The following DENND2B variants were observed in gnomAD, a reference collection of about 807,000 sequenced individuals.
The protein encoded by DENND2B is DENN domain-containing protein 2B.
Under a neutral mutation model 116.0 loss-of-function variants are expected in DENND2B, and 32 were observed. The observed-to-expected ratio is 0.28, with a 90% CI of 0.21 to 0.37. The LOEUF (loss-of-function observed/expected upper bound fraction) is 0.37. Among genes scored for constraint, DENND2B ranks in the 10% least tolerant of loss-of-function variants. The pLI, the probability that DENND2B is intolerant of heterozygous loss-of-function variation, is 1.00. For synonymous variants in DENND2B, 588 were observed against 583.9 expected, an observed-to-expected ratio of 1.01 and a Z score of -0.10; for missense variants, 1,276 against 1,477.7, an observed-to-expected ratio of 0.86 and a Z score of 2.24.
chr11:8,762,683 A>G (rs566743733), intron 1 of DENND2B, among the ~76,000 whole-genome samples: 96 of 152,268 alleles, frequency 6.3e-4, no homozygotes, highest in African/African-American at 2.2e-3. Context: ...CAACATGGAG[A>G]AATCTCATCT....
chr11:8,706,860 G>T (rs1175463030), intron 13 of DENND2B, among the ~76,000 whole-genome samples: 7 of 152,222 alleles, frequency 4.6e-5, no homozygotes, highest in African/African-American at 1.7e-4. Context: ...ATGGAATGCA[G>T]TTTAGTCCAA....
At chr11:8,828,522 G>GGAC (rs902844406) in intron 4 of DENND2B, among the ~76,000 whole-genome samples, 13 of 152,142 alleles carry the variant, frequency 8.5e-5, no homozygotes, top group Admixed American at 8.5e-4. Flanking sequence ...ACACCAAAGG[G>GGAC]GACCCTCATC....
chr11:8,851,795 T>A (rs911456815), intron 3 of DENND2B, among the ~76,000 whole-genome samples: 3 of 152,224 alleles, frequency 2.0e-5, no homozygotes, highest in African/African-American at 7.2e-5. Context: ...GAATATTTTT[T>A]AATTCGTTTT....
chr11:8,725,113 G>A (rs1359500093), intron 4 of DENND2B, among the ~76,000 whole-genome samples: 1 of 152,220 alleles, frequency 6.6e-6, no homozygotes, highest in Non-Finnish European at 1.5e-5. Flanking sequence ...AATGAAATGT[G>A]TTAGCTTGTA....
intron 13 of DENND2B, among the ~76,000 whole-genome samples, chr11:8,704,165 G>A (rs991339636): frequency 6.6e-6 from 1 of 152,208 alleles, no homozygotes; most frequent in African/African-American, 2.4e-5. Flanking sequence ...TGAAGGAGCT[G>A]AGTAGTTACA....
At chr11:8,772,560 TTG>T (rs2057070777) in intron 1 of DENND2B, among the ~76,000 whole-genome samples, 1 of 152,030 alleles carries the variant, frequency 6.6e-6, no homozygotes, top group African/African-American at 2.4e-5. Flanking sequence ...GTCAGGAGTG[TTG>T]TGAGTAGCAA....
chr11:8,826,357 A>G (rs2061978434), intron 4 of DENND2B, among the ~76,000 whole-genome samples: 1 of 152,228 alleles, frequency 6.6e-6, no homozygotes, highest in African/African-American at 2.4e-5. Context: ...GATATTTTTA[A>G]CTATCAGAGT....
intron 8 of DENND2B, among the ~76,000 whole-genome samples, chr11:8,713,320 G>A (rs965390800): frequency 3.9e-5 from 6 of 152,162 alleles, no homozygotes; most frequent in South Asian, 2.1e-4. Flanking sequence ...CTCAGTCTAC[G>A]GCACATTTCT....
intron 4 of DENND2B, among the ~76,000 whole-genome samples, chr11:8,719,645 T>A (rs1197030199): frequency 6.6e-6 from 1 of 152,160 alleles, no homozygotes; most frequent in Admixed American, 6.5e-5. Context: ...GTGGGGCACT[T>A]AGGGAGGTGT....
rs2045226779 is a variant in DENND2B, at chr11:8,717,867, A to G, written c.1503T>C (p.Tyr501=). The change falls in exon 5 of 20, where the codon TAT becomes TAC. Residue 501 remains tyrosine (Y), a synonymous_variant. Coordinates refer to ENST00000313726, the MANE Select transcript of DENND2B (RefSeq NM_213618.2). ...TTCGGCTCTTTAAGTCCACATCCTCATATGGATTCTCCTTGGGCAGATCTC... is the reference window on the plus strand; with the variant it reads ...TTCGGCTCTTTAAGTCCACATCCTCGTATGGATTCTCCTTGGGCAGATCTC... ...IVGDLPKENP[Y]EDVDLKSRRA... 4.3e-6 allele frequency: 7 copies of G among 1,612,464 alleles called. No individual in the cohort carries two copies. Among genetic ancestry groups the G allele is most frequent in the Non-Finnish European group, 5.9e-6 (7 of 1,179,280 alleles).
intron 1 of DENND2B, among the ~76,000 whole-genome samples, chr11:8,754,029 G>GCGCACACACA (rs146486674): frequency 0.033 from 4,580 of 138,766 alleles, 113 homozygotes; most frequent in East Asian, 0.074. Flanking sequence ...CCAAAAGCGC[G>GCGCACACACA]CACACACACA....
chr11:8,786,622 C>T (rs2058927024), intron 1 of DENND2B, among the ~76,000 whole-genome samples: 1 of 152,092 alleles, frequency 6.6e-6, no homozygotes, highest in South Asian at 2.1e-4. Flanking sequence ...TCAGGCTGGG[C>T]AACATGGCAA....
At chr11:8,815,754 T>G (rs1204118889) in intron 4 of DENND2B, among the ~76,000 whole-genome samples, 2 of 152,250 alleles carry the variant, frequency 1.3e-5, no homozygotes, top group African/African-American at 4.8e-5. Context: ...CTTGCACACC[T>G]GTCTCCCCCA....
chr11:8,859,411 C>T (rs2063317531), intron 2 of DENND2B, among the ~76,000 whole-genome samples: 1 of 152,112 alleles, frequency 6.6e-6, no homozygotes, highest in Non-Finnish European at 1.5e-5. Context: ...GGGTTCACGC[C>T]ATTCTCCTGC....
intron 1 of DENND2B, among the ~76,000 whole-genome samples, chr11:8,889,418 A>G (rs549583423): frequency 2.7e-4 from 41 of 152,318 alleles, no homozygotes; most frequent in Non-Finnish European, 5.4e-4. Flanking sequence ...GTGCAGCCCA[A>G]TGAACATGAG....
intron 4 of DENND2B, among the ~76,000 whole-genome samples, chr11:8,829,243 G>A (rs2062109972): frequency 6.6e-6 from 1 of 151,992 alleles, no homozygotes; most frequent in South Asian, 2.1e-4. Flanking sequence ...AAGAGGAGGT[G>A]GGAGAGGAGT....
At chr11:8,729,826 T>G (rs2047783827) in intron 3 of DENND2B, 124 bp downstream of exon 3, 1 of 1,278,428 alleles carries the variant, frequency 7.8e-7, no homozygotes, top group South Asian at 1.4e-5. Context: ...CTAACAATTA[T>G]TCAGCACTTC....
At chr11:8,774,274 G>A (rs1457400664) in intron 1 of DENND2B, 5 of 985,304 alleles carry the variant, frequency 5.1e-6, no homozygotes, top group Non-Finnish European at 6.0e-6. Flanking sequence ...GAAACGGCAG[G>A]ACACTTTAAT....
intron 16 of DENND2B, chr11:8,698,040 G>A (rs1033966833): frequency 1.4e-5 from 5 of 368,378 alleles, no homozygotes; most frequent in African/African-American, 4.3e-5. Context: ...TTAGGAGGCT[G>A]ACATGGGGAG....
Sources: allele counts gnomAD v4.1 joint callset (sites outside exome capture counted in the v4.1 genomes callset), GRCh38; gene constraint gnomAD v4.1.1; transcripts MANE v1.5; gene names NCBI Gene and HGNC (gene_info 2026-07-23, HGNC 2026-07-21).